DGKB: variants seen among roughly 807,000 people sequenced by gnomAD.
The protein encoded by DGKB is diacylglycerol kinase beta, also known as 90 kDa diacylglycerol kinase.
A neutral mutation model predicts 114.3 loss-of-function variants in DGKB; 67 were observed. That is an observed-to-expected ratio of 0.59 (90% confidence interval 0.48 to 0.72). The LOEUF (loss-of-function observed/expected upper bound fraction) is 0.72. Among genes scored for constraint, DGKB ranks in the 30% least tolerant of loss-of-function variants. The pLI, the probability that DGKB is intolerant of heterozygous loss-of-function variation, is 0.00. For missense variants in DGKB, 907 were observed against 975.2 expected (o/e 0.93, Z 0.93); for synonymous variants, 398 against 323.1 (o/e 1.23, Z -2.49).
chr7:14,458,923 CACAGAGCCCAGCA>C (rs1035548909), intron 21 of DGKB, among the ~76,000 whole-genome samples: 21 of 152,154 alleles, frequency 1.4e-4, no homozygotes, highest in African/African-American at 4.8e-4. Flanking sequence ...ATCCCATCCC[CACAGAGCCCAGCA>C]AGCTAAGATC....
chr7:14,591,584 C>T (rs1402856286), intron 17 of DGKB, among the ~76,000 whole-genome samples: 1 of 152,018 alleles, frequency 6.6e-6, no homozygotes, highest in Non-Finnish European at 1.5e-5. Flanking sequence ...CTATAACATT[C>T]CATAAAGTTT....
At chr7:14,736,941 G>C (rs762489098) in intron 4 of DGKB, among the ~76,000 whole-genome samples, 1 of 152,172 alleles carries the variant, frequency 6.6e-6, no homozygotes, top group African/African-American at 2.4e-5. Flanking sequence ...GAAGAGCTTG[G>C]TTTCTCCTTG....
At chr7:14,694,926 T>C (rs1823549215) in intron 8 of DGKB, among the ~76,000 whole-genome samples, 1 of 152,194 alleles carries the variant, frequency 6.6e-6, no homozygotes. Context: ...ATATTACCCT[T>C]GGTTGCTGGG....
At chr7:14,511,195 T>C (rs1787928730) in intron 20 of DGKB, among the ~76,000 whole-genome samples, 1 of 152,222 alleles carries the variant, frequency 6.6e-6, no homozygotes, top group Admixed American at 6.5e-5. Context: ...GCCATGAAAG[T>C]CCTAGATAGC....
chr7:14,231,135 C>CTTTT (rs1274100980), intron 23 of DGKB, among the ~76,000 whole-genome samples: 2,296 of 111,818 alleles, frequency 0.021, 50 homozygotes, highest in Non-Finnish European at 0.029. Flanking sequence ...TTCTTTCTTT[C>CTTTT]TTTCTTTCTT....
intron 4 of DGKB, among the ~76,000 whole-genome samples, chr7:14,752,623 A>G (rs966099595): frequency 1.1e-4 from 16 of 152,164 alleles, no homozygotes; most frequent in Non-Finnish European, 1.9e-4. Context: ...TGTAACTGCA[A>G]TTGCTTGCCT....
At chr7:14,780,793 C>T (rs1838971356) in intron 2 of DGKB, among the ~76,000 whole-genome samples, 2 of 152,128 alleles carry the variant, frequency 1.3e-5, no homozygotes, top group South Asian at 4.1e-4. Context: ...TATAAGTTGC[C>T]TTTTTAACAT....
chr7:14,346,575 C>T (rs181386818), intron 21 of DGKB, among the ~76,000 whole-genome samples: 11 of 151,874 alleles, frequency 7.2e-5, no homozygotes, highest in Admixed American at 2.6e-4. Context: ...TATTCTTTTC[C>T]AGAGAATATT....
In DGKB at chr7:14,938,925, T is replaced by C. The variant is rs530478410; in HGVS notation, c.-188+35771A>G. On this transcript the variant is annotated intron_variant, in intron 1 of 4. Coordinates refer to the DGKB transcript ENST00000437998. ...ATGACCTTGGTCATGTGATCTAACC[T>C]CTTTAATTCTCTATGAAATGAGGTT... Among the ~76,000 whole-genome samples, 3 of 152,314 alleles carry C rather than the reference T, an allele frequency of 2.0e-5. No homozygotes were observed. The South Asian group carries it at 6.2e-4, about 32-fold the overall frequency.
chr7:14,787,285 T>G (rs1043691570), intron 2 of DGKB, among the ~76,000 whole-genome samples: 25 of 152,308 alleles, frequency 1.6e-4, no homozygotes, highest in African/African-American at 5.8e-4. Flanking sequence ...AAAAATTAAT[T>G]AGCATTTCAC....
intron 1 of DGKB, among the ~76,000 whole-genome samples, chr7:14,857,050 T>C (rs1850254418): frequency 6.6e-6 from 1 of 152,194 alleles, no homozygotes; most frequent in East Asian, 1.9e-4. Flanking sequence ...TGACATTATA[T>C]GTCCAACCTC....
At chr7:14,211,047 G>T (rs1157441663) in intron 23 of DGKB, among the ~76,000 whole-genome samples, 1 of 152,022 alleles carries the variant, frequency 6.6e-6, no homozygotes, top group Admixed American at 6.6e-5. Flanking sequence ...GGGTGAAGGT[G>T]TTCTTTCACA....
chr7:14,548,953 T>C (rs1794712920), intron 20 of DGKB, among the ~76,000 whole-genome samples: 1 of 151,808 alleles, frequency 6.6e-6, no homozygotes, highest in South Asian at 2.1e-4. Context: ...GGGCATGCTG[T>C]CTTCTGCACA....
intron 1 of DGKB, among the ~76,000 whole-genome samples, chr7:14,938,598 T>C (rs1016737994): frequency 6.7e-6 from 1 of 148,208 alleles, no homozygotes; most frequent in African/African-American, 2.5e-5. Flanking sequence ...TCTTGTATTA[T>C]TATTCTTTTC....
At chr7:14,932,952 C>T (rs879270577) in intron 1 of DGKB, among the ~76,000 whole-genome samples, 1 of 152,194 alleles carries the variant, frequency 6.6e-6, no homozygotes, top group Admixed American at 6.5e-5. Context: ...CCAAATGGCA[C>T]TGGAGCTGCT....
At chr7:14,408,723 A>G (rs1428276995) in intron 21 of DGKB, among the ~76,000 whole-genome samples, 3 of 152,154 alleles carry the variant, frequency 2.0e-5, no homozygotes, top group African/African-American at 4.8e-5. Context: ...AAGCTAAAAA[A>G]TGAGTAAATA....
chr7:14,919,198 T>C (rs868602092), intron 1 of DGKB, among the ~76,000 whole-genome samples: 3 of 150,944 alleles, frequency 2.0e-5, no homozygotes, highest in Admixed American at 6.6e-5. Flanking sequence ...GTCGGAGGAC[T>C]GACACCACCC....
chr7:14,566,953 T>C (rs1797477609), intron 20 of DGKB, among the ~76,000 whole-genome samples: 1 of 150,174 alleles, frequency 6.7e-6, no homozygotes, highest in Non-Finnish European at 1.5e-5. Flanking sequence ...TTTGTTTTCT[T>C]TCACAGCATT....
intron 1 of DGKB, among the ~76,000 whole-genome samples, chr7:14,849,984 AG>A (rs1262842042): frequency 6.6e-6 from 1 of 152,182 alleles, no homozygotes; most frequent in African/African-American, 2.4e-5. Context: ...AGGTGGAAAA[AG>A]CCTCCCCCAC....
Sources: gnomAD v4.1 joint callset for allele counts (sites outside exome capture counted in the v4.1 genomes callset) on GRCh38, gnomAD v4.1.1 for gene constraint, MANE v1.5 for transcripts, NCBI Gene and HGNC (gene_info 2026-07-23, HGNC 2026-07-21) for gene names.